SYNE1: variants seen among roughly 807,000 people sequenced by gnomAD.
SYNE1 encodes the protein nesprin-1.
Under a neutral mutation model 1,111.0 loss-of-function variants are expected in SYNE1, and 616 were observed. That is an observed-to-expected ratio of 0.55 (90% CI 0.52 to 0.59). The LOEUF (loss-of-function observed/expected upper bound fraction) is 0.59, where lower values mean the gene tolerates loss of function less well. Ranked by LOEUF, SYNE1 falls within the 20% of genes least tolerant of loss-of-function variation. The pLI is 0.00. For missense variants in SYNE1, 10,006 were observed against 10,417.0 expected, an observed-to-expected ratio of 0.96 and a Z score of 1.72; for synonymous variants, 3,855 against 3,825.8, an observed-to-expected ratio of 1.01 and a Z score of -0.28.
rs1192763468 is a variant in SYNE1 at position 152,350,285 on chromosome 6, G to C, written c.11784C>G (p.Asn3928Lys). 6 of 1,614,178 alleles carry C rather than the reference G, an allele frequency of 3.7e-6. No individual in the cohort carries two copies. The highest frequency in any genetic ancestry group is 5.1e-6 in the Non-Finnish European group (6 of 1,180,042). Reference sequence around the variant, plus strand: ...ACTTTTCGACCTCTTGGAGCTCACTGTTGTAGTCTTCATGGTCTTTGACTT... The same window carrying C: ...ACTTTTCGACCTCTTGGAGCTCACTCTTGTAGTCTTCATGGTCTTTGACTT... ...EAKVKDHEDY[N>K]SELQEVEKWL... Residue 3928 changes from asparagine (N) to lysine (K), a missense_variant, in exon 72 of 146, where the codon AAC becomes AAG. By Grantham distance (94) the Asn-to-Lys change is moderately conservative (BLOSUM62 0). Coordinates refer to ENST00000367255, the MANE Select transcript of SYNE1 (RefSeq NM_182961.4).
intron 98 of SYNE1, among the ~76,000 whole-genome samples, chr6:152,270,738 C>T (rs1022636181): frequency 6.6e-6 from 1 of 152,140 alleles, no homozygotes; most frequent in Non-Finnish European, 1.5e-5. Flanking sequence ...AGACTATAAA[C>T]AAACAGATAA....
chr6:152,328,385 TTTATTTATTTA>T (rs1404763573), intron 78 of SYNE1, among the ~76,000 whole-genome samples: 3 of 32,304 alleles, frequency 9.3e-5, no homozygotes, highest in East Asian at 1.3e-3. Flanking sequence ...TTTTATTTTA[TTTATTTATTTA>T]TTTATTTATT....
intron 4 of SYNE1, among the ~76,000 whole-genome samples, chr6:152,534,182 GA>G (rs2099221256): frequency 7.3e-6 from 1 of 137,006 alleles, no homozygotes; most frequent in African/African-American, 3.1e-5. Flanking sequence ...ATGAATGAAT[GA>G]ATGAATGAAT....
chr6:152,446,655 A>G (rs952072672), intron 29 of SYNE1, among the ~76,000 whole-genome samples: 12 of 152,326 alleles, frequency 7.9e-5, no homozygotes, highest in Non-Finnish European at 1.5e-4. Flanking sequence ...AAATGATTTC[A>G]AGAAATACTG....
Position 152,329,980 on chromosome 6 carries a change from C to A in SYNE1, c.14705G>T (p.Arg4902Ile). ...EMSRSLDWLR[R>I]VKAELSGPVY... Reference sequence around the variant, plus strand: ...CGGCCCACTGAGCTCTGCCTTCACTCTCCTCAGCCAGTCCAGGGAGCGACT... The same window carrying A: ...CGGCCCACTGAGCTCTGCCTTCACTATCCTCAGCCAGTCCAGGGAGCGACT... Residue 4902 changes from arginine (R) to isoleucine (I), a missense_variant, in exon 78 of 146, where the codon AGA (arginine) becomes ATA (isoleucine). Coordinates refer to ENST00000367255, the MANE Select transcript of SYNE1 (RefSeq NM_182961.4). 1 of 1,614,194 alleles carries A rather than the reference C, an allele frequency of 6.2e-7. No individual in the cohort carries two copies. The highest frequency in any genetic ancestry group is 1.3e-5 in the African/African-American group (1 of 75,040).
rs1171555276 is a variant in SYNE1, at chr6:152,396,951, C to G, written c.7380G>C (p.Gln2460His). 5.0e-6 allele frequency: 8 copies of G among 1,614,154 alleles called. No individual in the cohort carries two copies. The highest frequency in any genetic ancestry group is 4.2e-6 in the Non-Finnish European group (5 of 1,180,016). Residue 2460 changes from glutamine (Q) to histidine (H), a missense_variant, in exon 50 of 146, where the codon CAG (glutamine) becomes CAC (histidine). Gln to His is a conservative substitution (Grantham distance 24). Transcript: ENST00000367255. The stretch of plus-strand genomic sequence containing the variant: ...CTTGAGTCACTGCATCAAGTTTGCT[C>G]TGCCCATCACTGACTGAGTCCAAAA... ...QNILDSVSDG[Q>H]SKLDAVTQEG...
At chr6:152,224,473 T>C in intron 117 of SYNE1, 21 bp downstream of exon 117, 1 of 1,608,748 alleles carries the variant, frequency 6.2e-7, no homozygotes, top group African/African-American at 1.3e-5. Context: ...ACGTTAAGGA[T>C]GTGTTAAATT....
chr6:152,432,201 A>G (rs1337792501), intron 34 of SYNE1, among the ~76,000 whole-genome samples: 4 of 152,200 alleles, frequency 2.6e-5, no homozygotes, highest in Non-Finnish European at 4.4e-5. Flanking sequence ...ATGGCATGTA[A>G]TAATGAACAA....
At chr6:152,238,736 G>A (rs1324445628) in intron 108 of SYNE1, among the ~76,000 whole-genome samples, 1 of 151,910 alleles carries the variant, frequency 6.6e-6, no homozygotes, top group East Asian at 1.9e-4. Flanking sequence ...AACAGTTTAG[G>A]GCAACTGGTA....
At chr6:152,368,886 T>C (rs531616232) in intron 61 of SYNE1, 86 bp downstream of exon 61, 24 of 1,581,628 alleles carry the variant, frequency 1.5e-5, no homozygotes, top group South Asian at 1.0e-4. Context: ...CGGGTCAGGA[T>C]GCAATGCACA....
At chr6:152,335,221 T>C (rs1193563699) in intron 76 of SYNE1, 1 of 152,216 alleles carries the variant, frequency 6.6e-6, no homozygotes, top group African/African-American at 2.4e-5. Context: ...CTGACTGATA[T>C]ATGAAATTTT....
At chr6:152,432,487 C>T (rs562901999) in intron 34 of SYNE1, among the ~76,000 whole-genome samples, 34 of 151,928 alleles carry the variant, frequency 2.2e-4, no homozygotes, top group Non-Finnish European at 3.4e-4. Context: ...CCTTATTGGA[C>T]GTATTGAAAT....
intron 107 of SYNE1, among the ~76,000 whole-genome samples, chr6:152,240,522 G>C (rs1207034873): frequency 6.6e-6 from 1 of 152,132 alleles, no homozygotes; most frequent in African/African-American, 2.4e-5. Flanking sequence ...AAATGTTACC[G>C]TTTGTGTATA....
At position 152,520,440 on chromosome 6, in the gene SYNE1, G is replaced by C. The variant is rs758023322; in HGVS notation, c.309+19C>G. 1 of 1,612,058 alleles carries C rather than the reference G, an allele frequency of 6.2e-7. No homozygotes were observed. Among genetic ancestry groups the C allele is most frequent in the Non-Finnish European group, 8.5e-7 (1 of 1,179,036 alleles). ...CCACACCTTCTTCCTTGGGCATTTT[G>C]TTTTTGTTTCTCTCTTACCTTTCTT... On this transcript the variant is annotated intron_variant, in intron 6 of 145. Coordinates refer to ENST00000367255, the MANE Select transcript of SYNE1 (RefSeq NM_182961.4).
chr6:152,388,899 A>G (rs560097877), intron 53 of SYNE1, among the ~76,000 whole-genome samples: 16 of 152,360 alleles, frequency 1.1e-4, no homozygotes, highest in African/African-American at 3.8e-4. Flanking sequence ...AAACTGGCCT[A>G]AGCCAAGCCT....
chr6:152,296,711 AGAT>A (rs2153795154), intron 93 of SYNE1, among the ~76,000 whole-genome samples: 1 of 152,348 alleles, frequency 6.6e-6, no homozygotes, highest in South Asian at 2.1e-4. Flanking sequence ...CTCTTCATGA[AGAT>A]AGAGAGATTT....
chr6:152,154,767 G>T, intron 133 of SYNE1, 125 bp downstream of exon 133: 1 of 1,081,434 alleles, frequency 9.2e-7, no homozygotes, highest in Non-Finnish European at 1.4e-6. Flanking sequence ...TGGCTGCAAA[G>T]TCCTCACGCA....
At chr6:152,479,392 C>T (rs536986797) in intron 14 of SYNE1, among the ~76,000 whole-genome samples, 1 of 152,298 alleles carries the variant, frequency 6.6e-6, no homozygotes, top group East Asian at 1.9e-4. Context: ...TTCATGATTC[C>T]TTATGACTGA....
chr6:152,198,375 AGACC>A (rs2153333732), intron 127 of SYNE1, among the ~76,000 whole-genome samples: 1 of 152,192 alleles, frequency 6.6e-6, no homozygotes, highest in East Asian at 1.9e-4. Context: ...TCTTTTATTC[AGACC>A]ACTCAAAGTT....
Sources: gnomAD v4.1 joint callset for allele counts (sites outside exome capture counted in the v4.1 genomes callset) on GRCh38, gnomAD v4.1.1 for gene constraint, MANE v1.5 for transcripts, NCBI Gene and HGNC (gene_info 2026-07-23, HGNC 2026-07-21) for gene names.